Variants in ATE1 observed in about 807,000 individuals in gnomAD.
ATE1 encodes arginyltransferase 1, also known as arginyl-tRNA--protein transferase 1.
ATE1 carries 36 observed loss-of-function variants against 70.5 expected under a neutral mutation model. The observed-to-expected ratio is 0.51, with a 90% CI of 0.39 to 0.67. The LOEUF (loss-of-function observed/expected upper bound fraction) is 0.67. Among genes scored for constraint, ATE1 ranks in the 30% least tolerant of loss-of-function variants. The pLI is 0.00. For synonymous variants in ATE1, 232 were observed against 219.3 expected (o/e 1.06, Z -0.51); for missense variants, 593 against 629.5 (o/e 0.94, Z 0.62).
chr10:121,786,668 T>C (rs1946227780), intron 11 of ATE1, among the ~76,000 whole-genome samples: 1 of 152,054 alleles, frequency 6.6e-6, no homozygotes, highest in Admixed American at 6.6e-5. Context: ...TATTAGACAC[T>C]GGGCATCACA....
chr10:121,858,970 C>T (rs1252287708), intron 8 of ATE1, among the ~76,000 whole-genome samples: 4 of 151,680 alleles, frequency 2.6e-5, no homozygotes, highest in Non-Finnish European at 5.9e-5. Context: ...TGGCACATGC[C>T]TGTAATCCCA....
intron 7 of ATE1, among the ~76,000 whole-genome samples, chr10:121,892,094 T>C (rs1950598895): frequency 6.6e-6 from 1 of 152,198 alleles, no homozygotes; most frequent in South Asian, 2.1e-4. Flanking sequence ...TCTTTCAATA[T>C]AAAACACCAT....
chr10:121,793,306 T>G (rs1394753173), intron 10 of ATE1, among the ~76,000 whole-genome samples: 1 of 152,190 alleles, frequency 6.6e-6, no homozygotes. Context: ...AGAACTTACA[T>G]ATTGTTGGTT....
At chr10:121,892,236 C>T (rs189972797) in intron 7 of ATE1, among the ~76,000 whole-genome samples, 2 of 148,072 alleles carry the variant, frequency 1.4e-5, no homozygotes, top group Non-Finnish European at 3.0e-5. Context: ...GATGAAAACA[C>T]GACCGGTGAA....
intron 8 of ATE1, among the ~76,000 whole-genome samples, chr10:121,855,449 A>G (rs957642191): frequency 6.6e-6 from 1 of 152,320 alleles, no homozygotes; most frequent in East Asian, 1.9e-4. Context: ...TGAGTTAATC[A>G]ATTAAGGAAA....
intron 11 of ATE1, among the ~76,000 whole-genome samples, chr10:121,771,144 T>G (rs1355965287): frequency 6.6e-6 from 1 of 152,178 alleles, no homozygotes; most frequent in Non-Finnish European, 1.5e-5. Context: ...CAATCTCCGC[T>G]CACTGCAAAC....
chr10:121,748,424 C>CA (rs913346134), intron 11 of ATE1, among the ~76,000 whole-genome samples: 3 of 151,872 alleles, frequency 2.0e-5, no homozygotes, highest in African/African-American at 7.3e-5. Flanking sequence ...TATAGACTTC[C>CA]ATTCTATTTA....
chr10:121,826,823 A>G (rs1233033322), intron 10 of ATE1, among the ~76,000 whole-genome samples: 1 of 151,992 alleles, frequency 6.6e-6, no homozygotes, highest in Non-Finnish European at 1.5e-5. Flanking sequence ...TTTTTAGTTC[A>G]TGTGTATCTA....
intron 10 of ATE1, among the ~76,000 whole-genome samples, chr10:121,813,252 C>T (rs1947398247): frequency 2.0e-5 from 3 of 152,214 alleles, no homozygotes; most frequent in South Asian, 4.1e-4. Context: ...AAATGTTTTA[C>T]TCTCTGTGAA....
intron 8 of ATE1, among the ~76,000 whole-genome samples, chr10:121,869,747 T>C (rs2134016722): frequency 6.6e-6 from 1 of 152,288 alleles, no homozygotes; most frequent in East Asian, 1.9e-4. Flanking sequence ...GACTGATTTC[T>C]CTCTACTTAT....
chr10:121,908,708 GACC>G (rs1338013052), intron 5 of ATE1, among the ~76,000 whole-genome samples: 1 of 152,144 alleles, frequency 6.6e-6, no homozygotes, highest in Non-Finnish European at 1.5e-5. Context: ...TCTCCTGAAA[GACC>G]ACTCTAACAC....
chr10:121,917,367 C>T (rs1344971778), intron 3 of ATE1, among the ~76,000 whole-genome samples: 1 of 152,096 alleles, frequency 6.6e-6, no homozygotes, highest in Non-Finnish European at 1.5e-5. Flanking sequence ...GTTATATACA[C>T]TATGCAAACA....
chr10:121,787,241 A>G (rs1416272675), intron 11 of ATE1, among the ~76,000 whole-genome samples: 2 of 152,232 alleles, frequency 1.3e-5, no homozygotes, highest in Non-Finnish European at 2.9e-5. Flanking sequence ...GAGAAACAAG[A>G]TTTAGTGAAA....
chr10:121,809,986 C>G (rs1363399419), intron 10 of ATE1, among the ~76,000 whole-genome samples: 1 of 152,012 alleles, frequency 6.6e-6, no homozygotes, highest in Admixed American at 6.6e-5. Context: ...CCACTCTGCC[C>G]AGGTGAGGAA....
intron 8 of ATE1, among the ~76,000 whole-genome samples, chr10:121,849,814 C>G (rs1948985399): frequency 6.6e-6 from 1 of 151,950 alleles, no homozygotes; most frequent in South Asian, 2.1e-4. Context: ...TTCCTTGCAG[C>G]TGGAGCAGCC....
chr10:121,826,291 A>G (rs1948008073), intron 10 of ATE1, among the ~76,000 whole-genome samples: 1 of 152,144 alleles, frequency 6.6e-6, no homozygotes. Flanking sequence ...TGTGTATTTT[A>G]CCACAACCAA....
intron 11 of ATE1, among the ~76,000 whole-genome samples, chr10:121,775,939 C>T (rs1408925076): frequency 6.6e-6 from 1 of 152,224 alleles, no homozygotes; most frequent in Non-Finnish European, 1.5e-5. Flanking sequence ...AATACACCTT[C>T]CCCATCCCAA....
chr10:121,848,992 C>T (rs752533519), intron 8 of ATE1, among the ~76,000 whole-genome samples: 4 of 151,728 alleles, frequency 2.6e-5, no homozygotes, highest in Non-Finnish European at 4.4e-5. Flanking sequence ...GGGCAGATCA[C>T]CTGAGGTCAG....
intron 8 of ATE1, among the ~76,000 whole-genome samples, chr10:121,853,845 G>A (rs1949147053): frequency 1.3e-5 from 2 of 152,172 alleles, no homozygotes; most frequent in Admixed American, 6.5e-5. Context: ...CAGATTTGGT[G>A]TCTGGTGAGG....
Sources: allele counts gnomAD v4.1 joint callset (sites outside exome capture counted in the v4.1 genomes callset), GRCh38; gene constraint gnomAD v4.1.1; transcripts MANE v1.5; gene names NCBI Gene and HGNC (gene_info 2026-07-23, HGNC 2026-07-21).